Variants in FANCD2 observed in about 807,000 individuals in gnomAD.
The protein encoded by FANCD2 is FA complementation group D2.
In FANCD2, 131 loss-of-function variants were observed where a neutral mutation model predicts 192.3. That is an observed-to-expected ratio of 0.68 (90% CI 0.59 to 0.79). The LOEUF is 0.79. FANCD2 is among the 30% of genes least tolerant of loss of function. The pLI is 0.00. For missense variants in FANCD2, 1,508 were observed against 1,701.6 expected, an observed-to-expected ratio of 0.89 and a Z score of 2.00; for synonymous variants, 524 against 612.5, an observed-to-expected ratio of 0.86 and a Z score of 2.13.
Position 10,048,178 on chromosome 3 carries a change from A to T in FANCD2, c.1413+127A>T, listed in dbSNP as rs965036775. On this transcript the variant is annotated intron_variant, in intron 16 of 43. Coordinates refer to ENST00000675286, the MANE Select transcript of FANCD2 (RefSeq NM_001018115.3). ...CTGACCTGGGTCTCAAGAAAGCTCA[A>T]TTCTAGTCCCAGCCTTGATGAAAGG... 17 of 1,207,966 alleles carry T rather than the reference A, an allele frequency of 1.4e-5. No individual in the cohort carries two copies. In the South Asian group the frequency reaches 1.5e-4, roughly 11 times the overall value. The allele number at this position is 1,207,966 out of a possible 1,614,324, so 74.8% of individuals were successfully genotyped here. A position where few individuals can be genotyped will look rare whatever the true frequency, so the allele number is the denominator to read the frequency against.
chr3:10,077,277 C>T (rs1693588572), intron 29 of FANCD2, among the ~76,000 whole-genome samples: 1 of 152,154 alleles, frequency 6.6e-6, no homozygotes, highest in African/African-American at 2.4e-5. Flanking sequence ...ATTTACCCTG[C>T]TGGGCGCAGT....
At chr3:10,055,721 G>A (rs7646073) in intron 18 of FANCD2, among the ~76,000 whole-genome samples, 34,120 of 151,578 alleles carry the variant, frequency 0.23, 4,952 homozygotes, top group African/African-American at 0.42. Flanking sequence ...CTGAAGCAGG[G>A]GAATGGCGTG....
chr3:10,054,353 G>GTA lies in FANCD2; in HGVS notation c.1656+1869_1656+1870dup, dbSNP rs1238756623. Among the ~76,000 whole-genome samples, 443 of 103,164 alleles carry GTA rather than the reference G, an allele frequency of 4.3e-3. 9 individuals are homozygous for GTA. The highest frequency in any genetic ancestry group is 0.018 in the African/African-American group (361 of 20,356). The allele number at this position is 103,164 out of a possible 152,430, so 67.7% of individuals were successfully genotyped here. A position where few individuals can be genotyped will look rare whatever the true frequency, so the allele number is the denominator to read the frequency against. On this transcript the variant is annotated intron_variant, in intron 18 of 43. Coordinates refer to ENST00000675286, the MANE Select transcript of FANCD2 (RefSeq NM_001018115.3). ...ACAACCAGCATATATATATATATACGTATATATATATATACGTGTATATAC... is the reference window on the plus strand; with the variant it reads ...ACAACCAGCATATATATATATATACGTATATATATATATATACGTGTATATAC...
At position 10,081,374 on chromosome 3, in the gene FANCD2, T is replaced by C. The variant is rs758000306; in HGVS notation, c.3134T>C (p.Val1045Ala). The change falls in exon 32 of 44, where the codon GTT (valine) becomes GCT (alanine). Residue 1045 changes from valine (V) to alanine (A), a missense_variant. Around this residue, in one of 5 missense-constraint regions of FANCD2, gnomAD observed 796 missense variants for 879.4 expected, o/e 0.91. Transcript: ENST00000675286. ...QCLAAENHGVVDGPGVKVQEY... is the reference protein window; with the variant it reads ...QCLAAENHGVADGPGVKVQEY... ...TTAGCTGCTGAGAATCACGGTGTAG[T>C]TGATGGACCAGGAGTGAAAGTTCAG... is the stretch of plus-strand genomic sequence containing the variant. The C allele has an allele frequency of 1.2e-6, 2 of 1,614,114 alleles. No individual in the cohort carries two copies. The highest frequency in any genetic ancestry group is 1.7e-6 in the Non-Finnish European group (2 of 1,179,954).
intron 29 of FANCD2, among the ~76,000 whole-genome samples, chr3:10,075,480 G>A (rs566926219): frequency 3.9e-5 from 6 of 152,112 alleles, no homozygotes; most frequent in East Asian, 3.9e-4. Flanking sequence ...CCCCGTGCCC[G>A]GCCCCATAGC....
intron 32 of FANCD2, among the ~76,000 whole-genome samples, chr3:10,084,463 C>CT (rs150763563): frequency 9.4e-5 from 14 of 149,082 alleles, no homozygotes; most frequent in African/African-American, 2.0e-4. Flanking sequence ...CTGATTTTTC[C>CT]TTTTTTTTTT....
chr3:10,088,606 T>C, intron 35 of FANCD2, 64 bp downstream of exon 35: 2 of 1,243,402 alleles, frequency 1.6e-6, no homozygotes, highest in South Asian at 2.4e-5. Flanking sequence ...CTGTTGTTTG[T>C]CAGAGACTGG....
intron 31 of FANCD2, 42 bp from the exon 32 acceptor site, chr3:10,081,304 C>G (rs567046232): frequency 1.2e-6 from 2 of 1,611,198 alleles, no homozygotes; most frequent in East Asian, 2.2e-5. Context: ...AAAATGAGGA[C>G]AATTACTGAA....
At chr3:10,092,326 C>A in intron 38 of FANCD2, 74 bp downstream of exon 38, 1 of 1,138,918 alleles carries the variant, frequency 8.8e-7, no homozygotes, top group Non-Finnish European at 1.3e-6. Context: ...CCAAAATGGA[C>A]TTTCCTTGCT....
intron 26 of FANCD2, among the ~76,000 whole-genome samples, chr3:10,068,847 A>G (rs1415121228): frequency 6.6e-6 from 1 of 152,214 alleles, no homozygotes; most frequent in Non-Finnish European, 1.5e-5. Flanking sequence ...CCATACACCT[A>G]CAATGAACTC....
chr3:10,040,124 T>C (rs2086829969), intron 9 of FANCD2: 1 of 425,162 alleles, frequency 2.4e-6, no homozygotes, highest in Non-Finnish European at 4.2e-6. Context: ...AACCTCCGCC[T>C]CCTGGGTTCA....
chr3:10,057,239 T>G (rs1349286070), intron 18 of FANCD2, among the ~76,000 whole-genome samples: 1 of 152,224 alleles, frequency 6.6e-6, no homozygotes, highest in Non-Finnish European at 1.5e-5. Context: ...CCTTATCAGA[T>G]ATATGATTTG....
chr3:10,076,544 C>T (rs1444810965), intron 29 of FANCD2, among the ~76,000 whole-genome samples: 1 of 151,998 alleles, frequency 6.6e-6, no homozygotes, highest in African/African-American at 2.4e-5. Context: ...TCCTCCCTTG[C>T]CTCTTTTTTC....
rs897873617 is a variant in FANCD2 at position 10,091,448 on chromosome 3, G to A, written c.3778-733G>A. On this transcript the variant is annotated intron_variant, in intron 37 of 43. Coordinates refer to ENST00000675286, the MANE Select transcript of FANCD2 (RefSeq NM_001018115.3). ...GTTTGCACCACTGCACTCCAACCTG[G>A]ATGTCAGACTCAGACCCTGTCTCAA... Among the ~76,000 whole-genome samples, 19 of 149,006 alleles carry A rather than the reference G, an allele frequency of 1.3e-4. 1 individual carries two copies. The highest frequency in any genetic ancestry group is 4.1e-4 in the Admixed American group (6 of 14,614).
rs1399502191 is a variant in FANCD2, at chr3:10,062,183, C to T, written c.1799C>T (p.Ala600Val). 2 of 1,612,844 alleles carry T rather than the reference C, an allele frequency of 1.2e-6. No individual in the cohort carries two copies. The highest frequency in any genetic ancestry group is 3.3e-5 in the Admixed American group (2 of 59,910). Reference protein sequence around the residue: ...SESPSLTQERANLSDEQCTQV... With the variant: ...SESPSLTQERVNLSDEQCTQV... ...TCACCTAGTTTGACCCAAGAGAGAG[C>T]CAACCTGAGCGATGAGCAGTGCACA... The change falls in exon 20 of 44, where the codon GCC becomes GTC. Residue 600 changes from alanine (A) to valine (V), a missense_variant. By Grantham distance (64) the Ala-to-Val change is moderately conservative. Around this residue, in one of 5 missense-constraint regions of FANCD2, gnomAD observed 110 missense variants for 114.4 expected, o/e 0.96. Transcript: ENST00000675286.
intron 43 of FANCD2, among the ~76,000 whole-genome samples, chr3:10,100,381 C>G (rs959104495): frequency 1.3e-5 from 2 of 152,128 alleles, no homozygotes; most frequent in Non-Finnish European, 2.9e-5. Context: ...CAGCACAGCA[C>G]TTCTTTTTTT....
chr3:10,039,247 C>T lies in FANCD2; in HGVS notation c.492-32C>T, dbSNP rs763444560. On this transcript the variant is annotated intron_variant, in intron 7 of 43. Transcript: ENST00000675286. ...TGCTGTTATTTTGACCAGAAAGGCT[C>T]AGTTCCCTGTTTTCTCTTCCTAACA... 7.2e-6 allele frequency: 11 copies of T among 1,522,670 alleles called. No homozygotes were observed. In the Admixed American group the frequency reaches 1.9e-4, roughly 26 times the overall value. The allele number at this position is 1,522,670 out of a possible 1,614,324, so 94.3% of individuals were successfully genotyped here.
At chr3:10,072,280 CT>C (rs547150617) in intron 26 of FANCD2, among the ~76,000 whole-genome samples, 23,042 of 139,248 alleles carry the variant, frequency 0.17, 1,991 homozygotes, top group African/African-American at 0.31. Flanking sequence ...ATACCTTTCC[CT>C]TTTTTTTTTT....
chr3:10,060,237 AC>A, intron 18 of FANCD2, 56 bp from the exon 19 acceptor site: 1 of 1,224,772 alleles, frequency 8.2e-7, no homozygotes, highest in Non-Finnish European at 1.2e-6. Flanking sequence ...CGATATCCAT[AC>A]CTTCTTTTGC....
Sources: allele counts gnomAD v4.1 joint callset (sites outside exome capture counted in the v4.1 genomes callset), GRCh38; gene constraint gnomAD v4.1.1; regional missense constraint gnomAD v4.1.1; transcripts MANE v1.5; gene names NCBI Gene and HGNC (gene_info 2026-07-23, HGNC 2026-07-21).